SOX5: variants seen among roughly 807,000 people sequenced by gnomAD.
SOX5 encodes the protein transcription factor SOX-5.
SOX5 carries 9 observed loss-of-function variants against 92.0 expected under a neutral mutation model. The observed-to-expected ratio is 0.10, with a 90% CI of 0.06 to 0.17. SOX5 has a LOEUF of 0.17. Among genes scored for constraint, SOX5 ranks in the 10% least tolerant of loss-of-function variants. The pLI, the probability that SOX5 is intolerant of heterozygous loss-of-function variation, is 1.00. For synonymous variants in SOX5, 344 were observed against 336.3 expected, an observed-to-expected ratio of 1.02 and a Z score of -0.25; for missense variants, 642 against 944.5, an observed-to-expected ratio of 0.68 and a Z score of 4.20.
chr12:24,473,798 A>G (rs1429240122), intron 1 of SOX5, among the ~76,000 whole-genome samples: 3 of 152,168 alleles, frequency 2.0e-5, no homozygotes, highest in African/African-American at 7.2e-5. Flanking sequence ...ATTTTCTAGT[A>G]TCTGCAACTC....
At chr12:23,994,635 C>A (rs1274147056) in intron 4 of SOX5, among the ~76,000 whole-genome samples, 2 of 152,052 alleles carry the variant, frequency 1.3e-5, no homozygotes, top group Non-Finnish European at 2.9e-5. Flanking sequence ...AAAACTCACA[C>A]ATGAGCATGG....
At chr12:24,169,353 T>C (rs1469827654) in intron 4 of SOX5, among the ~76,000 whole-genome samples, 1 of 152,192 alleles carries the variant, frequency 6.6e-6, no homozygotes, top group Non-Finnish European at 1.5e-5. Context: ...ATCATTATTG[T>C]CAAAATCCAT....
chr12:23,781,054 T>C (rs1407815240), intron 3 of SOX5, among the ~76,000 whole-genome samples: 1 of 152,060 alleles, frequency 6.6e-6, no homozygotes, highest in Non-Finnish European at 1.5e-5. Context: ...ATTTACTGAT[T>C]TTGGCAGTCA....
At chr12:24,405,573 C>A (rs1962753100) in intron 1 of SOX5, among the ~76,000 whole-genome samples, 1 of 152,092 alleles carries the variant, frequency 6.6e-6, no homozygotes, top group Non-Finnish European at 1.5e-5. Flanking sequence ...CCTTTGAGTG[C>A]AAAATAAGGT....
At chr12:24,139,361 G>A (rs1484997950) in intron 4 of SOX5, among the ~76,000 whole-genome samples, 1 of 152,212 alleles carries the variant, frequency 6.6e-6, no homozygotes, top group Non-Finnish European at 1.5e-5. Flanking sequence ...CATAACAGTC[G>A]TGGGCATACA....
At chr12:23,937,200 T>G (rs1942766586) in intron 1 of SOX5, among the ~76,000 whole-genome samples, 1 of 150,964 alleles carries the variant, frequency 6.6e-6, no homozygotes. Context: ...TAGGTCAAAT[T>G]ATTACTTAGT....
intron 4 of SOX5, among the ~76,000 whole-genome samples, chr12:23,986,226 C>T (rs964581295): frequency 7.9e-5 from 12 of 152,048 alleles, no homozygotes; most frequent in African/African-American, 2.9e-4. Flanking sequence ...CTTTAACTGG[C>T]ATTGTAAACT....
chr12:23,856,263 C>A (rs1332566726), intron 2 of SOX5, among the ~76,000 whole-genome samples: 1 of 152,012 alleles, frequency 6.6e-6, no homozygotes, highest in Non-Finnish European at 1.5e-5. Context: ...GTAGTTTACA[C>A]GAGCAATGCT....
intron 2 of SOX5, among the ~76,000 whole-genome samples, chr12:24,308,555 C>G (rs1397422431): frequency 6.6e-6 from 1 of 152,218 alleles, no homozygotes; most frequent in Non-Finnish European, 1.5e-5. Flanking sequence ...GGATTTGCCG[C>G]CACTAAGATA....
chr12:23,728,835 G>C (rs946320652), intron 6 of SOX5, among the ~76,000 whole-genome samples: 1 of 152,124 alleles, frequency 6.6e-6, no homozygotes, highest in African/African-American at 2.4e-5. Context: ...ACTTGGAATT[G>C]AGCCATTGTT....
At chr12:23,751,754 T>C (rs2094187000) in intron 4 of SOX5, among the ~76,000 whole-genome samples, 1 of 151,940 alleles carries the variant, frequency 6.6e-6, no homozygotes, top group African/African-American at 2.4e-5. Flanking sequence ...TTTGCCTTTA[T>C]AGCCCTTCTT....
At chr12:24,306,476 A>C (rs554140731) in intron 2 of SOX5, among the ~76,000 whole-genome samples, 101 of 152,280 alleles carry the variant, frequency 6.6e-4, no homozygotes, top group African/African-American at 2.3e-3. Context: ...CAAGAGAAAA[A>C]ATTTCTTACA....
At chr12:24,363,000 A>G (rs1013167812) in intron 2 of SOX5, among the ~76,000 whole-genome samples, 5 of 152,096 alleles carry the variant, frequency 3.3e-5, no homozygotes, top group Non-Finnish European at 1.5e-5. Flanking sequence ...GATACGTAAA[A>G]ACATGTAATC....
chr12:23,858,860 C>A (rs1163793116), intron 2 of SOX5, among the ~76,000 whole-genome samples: 1 of 152,128 alleles, frequency 6.6e-6, no homozygotes, highest in African/African-American at 2.4e-5. Flanking sequence ...TTTATTAGTT[C>A]CCCAAACTAA....
chr12:23,721,946 A>G (rs541851614), intron 6 of SOX5, among the ~76,000 whole-genome samples: 1 of 152,332 alleles, frequency 6.6e-6, no homozygotes, highest in South Asian at 2.1e-4. Context: ...TCGAACTGAA[A>G]CCAGTTATTT....
intron 7 of SOX5, among the ~76,000 whole-genome samples, chr12:23,657,296 C>T (rs1055008871): frequency 3.3e-5 from 5 of 152,146 alleles, no homozygotes; most frequent in African/African-American, 1.2e-4. Flanking sequence ...ATTCTTTCAT[C>T]ATGTTTAAGC....
At chr12:23,792,622 CAAAAAAAAAAAAAAAAAAAAAAAAA>C (rs749845598) in intron 3 of SOX5, among the ~76,000 whole-genome samples, 1 of 38,942 alleles carries the variant, frequency 2.6e-5, no homozygotes, top group East Asian at 1.2e-3. Flanking sequence ...GGCTCTGTCT[CAAAAAAAAAAAAAAAAAAAAAAAAA>C]AAAAAAAAAA....
chr12:24,024,962 G>C (rs906664891), intron 4 of SOX5, among the ~76,000 whole-genome samples: 5 of 151,948 alleles, frequency 3.3e-5, no homozygotes, highest in Non-Finnish European at 5.9e-5. Flanking sequence ...CATATAAAAA[G>C]TGACTACTAA....
At chr12:24,426,282 G>A (rs545942410) in intron 1 of SOX5, among the ~76,000 whole-genome samples, 1 of 151,652 alleles carries the variant, frequency 6.6e-6, no homozygotes, top group South Asian at 2.1e-4. Context: ...AACACAAGGC[G>A]GGGAACATCA....
Sources: allele counts gnomAD v4.1 joint callset (sites outside exome capture counted in the v4.1 genomes callset), GRCh38; gene constraint gnomAD v4.1.1; transcripts MANE v1.5; gene names NCBI Gene and HGNC (gene_info 2026-07-23, HGNC 2026-07-21).